The following KIFAP3 variants were observed in gnomAD, a reference collection of about 807,000 sequenced individuals.
KIFAP3 encodes the protein kinesin associated protein 3, also known as kinesin-associated protein 3.
A neutral mutation model predicts 106.5 loss-of-function variants in KIFAP3; 68 were observed. The observed-to-expected ratio is 0.64, with a 90% CI of 0.53 to 0.78. The LOEUF is 0.78. Among genes scored for constraint, KIFAP3 ranks in the 30% least tolerant of loss-of-function variants. The pLI is 0.00. For missense variants in KIFAP3, 780 were observed against 941.8 expected (o/e 0.83, Z 2.25); for synonymous variants, 320 against 311.5 (o/e 1.03, Z -0.29).
intron 19 of KIFAP3, among the ~76,000 whole-genome samples, chr1:169,953,660 G>A (rs945970104): frequency 1.3e-5 from 2 of 151,908 alleles, no homozygotes; most frequent in Admixed American, 1.3e-4. Context: ...GACTACAGGA[G>A]CCCACCACCA....
At chr1:169,973,123 A>ATATATATATATAT (rs1553278139) in intron 16 of KIFAP3, among the ~76,000 whole-genome samples, 8 of 128,608 alleles carry the variant, frequency 6.2e-5, no homozygotes, top group Non-Finnish European at 9.8e-5. Context: ...ATATATATAT[A>ATATATATATATAT]AACAACACAA....
At chr1:169,998,070 C>A (rs1667459328) in intron 10 of KIFAP3, among the ~76,000 whole-genome samples, 1 of 151,234 alleles carries the variant, frequency 6.6e-6, no homozygotes, top group Admixed American at 6.6e-5. Flanking sequence ...AGAAAATGAT[C>A]CCCTCTCAAT....
chr1:169,992,639 A>G (rs538279903), intron 10 of KIFAP3, among the ~76,000 whole-genome samples: 1 of 152,284 alleles, frequency 6.6e-6, no homozygotes, highest in African/African-American at 2.4e-5. Flanking sequence ...AGTAAATAAA[A>G]AAGCATCTTT....
intron 9 of KIFAP3, among the ~76,000 whole-genome samples, chr1:170,020,493 C>T (rs1005379270): frequency 2.6e-5 from 4 of 152,088 alleles, no homozygotes; most frequent in African/African-American, 7.2e-5. Flanking sequence ...CTTGCTCTGT[C>T]GCCCAGGCTG....
intron 4 of KIFAP3, 122 bp from the exon 5 acceptor site, chr1:170,038,553 T>C (rs908442174): frequency 1.9e-4 from 182 of 968,094 alleles, no homozygotes; most frequent in Non-Finnish European, 1.4e-4. Context: ...AAAGAACTCA[T>C]AGTAGCCATC....
intron 19 of KIFAP3, among the ~76,000 whole-genome samples, chr1:169,946,555 A>C (rs2101825804): frequency 6.6e-6 from 1 of 152,186 alleles, no homozygotes; most frequent in Middle Eastern, 3.4e-3. Flanking sequence ...ACCAAGCTTA[A>C]AGGCTTCACT....
intron 1 of KIFAP3, among the ~76,000 whole-genome samples, chr1:170,061,620 C>G (rs1284121589): frequency 2.6e-5 from 4 of 152,110 alleles, no homozygotes; most frequent in African/African-American, 9.7e-5. Context: ...CCTCAAGGAT[C>G]TAGAACTAGA....
intron 19 of KIFAP3, among the ~76,000 whole-genome samples, chr1:169,930,855 C>G (rs1171660062): frequency 2.0e-5 from 3 of 151,636 alleles, no homozygotes; most frequent in African/African-American, 7.3e-5. Context: ...GGAGTGGTCC[C>G]TTCCAAATTA....
chr1:169,937,429 AC>A (rs1186201916), intron 19 of KIFAP3, among the ~76,000 whole-genome samples: 1 of 151,794 alleles, frequency 6.6e-6, no homozygotes, highest in Admixed American at 6.6e-5. Context: ...AAAAATCCCA[AC>A]AGTATATATG....
chr1:170,009,427 T>C (rs572835812), intron 10 of KIFAP3, among the ~76,000 whole-genome samples: 8 of 152,152 alleles, frequency 5.3e-5, no homozygotes, highest in African/African-American at 1.7e-4. Context: ...ATTATTATTA[T>C]TATGTATGCA....
intron 1 of KIFAP3, among the ~76,000 whole-genome samples, chr1:170,081,248 G>A (rs991363601): frequency 6.6e-6 from 1 of 152,118 alleles, no homozygotes; most frequent in African/African-American, 2.4e-5. Flanking sequence ...TTACAAAAAT[G>A]TCATAAAAGG....
chr1:170,066,190 C>T (rs1040748298), intron 1 of KIFAP3, among the ~76,000 whole-genome samples: 11 of 122,096 alleles, frequency 9.0e-5, no homozygotes, highest in African/African-American at 3.4e-4. Context: ...CCCCCCCATT[C>T]TTTATGTTAT....
chr1:169,971,138 TA>T (rs1665900277), intron 17 of KIFAP3, among the ~76,000 whole-genome samples: 1 of 152,058 alleles, frequency 6.6e-6, no homozygotes, highest in African/African-American at 2.4e-5. Context: ...ACTTAATCTG[TA>T]AATCTAAACA....
intron 16 of KIFAP3, 51 bp from the exon 17 acceptor site, chr1:169,972,649 C>A: frequency 1.2e-6 from 1 of 818,850 alleles, no homozygotes; most frequent in South Asian, 1.7e-5. Context: ...TGTGGCTAGT[C>A]AATAATACTA....
chr1:170,036,801 A>C (rs1321071965), intron 5 of KIFAP3, among the ~76,000 whole-genome samples: 1 of 152,182 alleles, frequency 6.6e-6, no homozygotes, highest in East Asian at 1.9e-4. Context: ...AGAATAGAGA[A>C]ACATCTCAAT....
intron 10 of KIFAP3, among the ~76,000 whole-genome samples, chr1:169,992,747 G>A (rs747750258): frequency 7.9e-5 from 12 of 151,982 alleles, no homozygotes; most frequent in Admixed American, 6.6e-5. Flanking sequence ...AATGCTATAG[G>A]CTATAACACA....
At chr1:169,944,410 G>A (rs1233478980) in intron 19 of KIFAP3, among the ~76,000 whole-genome samples, 4 of 152,282 alleles carry the variant, frequency 2.6e-5, no homozygotes, top group South Asian at 2.1e-4. Context: ...ACTGGGAACC[G>A]CAGAGCCCCA....
intron 19 of KIFAP3, among the ~76,000 whole-genome samples, chr1:169,938,165 C>T (rs1298548205): frequency 6.6e-6 from 1 of 151,830 alleles, no homozygotes; most frequent in Non-Finnish European, 1.5e-5. Context: ...ATGATAGAGA[C>T]TGTGCTTAGA....
At chr1:170,012,603 T>C (rs1280072395) in intron 10 of KIFAP3, among the ~76,000 whole-genome samples, 4 of 152,164 alleles carry the variant, frequency 2.6e-5, no homozygotes, top group Non-Finnish European at 5.9e-5. Context: ...AATTCTTATG[T>C]TGAAACATAA....
Sources: allele counts gnomAD v4.1 joint callset (sites outside exome capture counted in the v4.1 genomes callset), GRCh38; gene constraint gnomAD v4.1.1; transcripts MANE v1.5; gene names NCBI Gene and HGNC (gene_info 2026-07-23, HGNC 2026-07-21).